APP: variants seen among roughly 807,000 people sequenced by gnomAD.
APP encodes amyloid beta precursor protein, also known as amyloid-beta precursor protein.
A neutral mutation model predicts 101.4 loss-of-function variants in APP; 31 were observed. That is an observed-to-expected ratio of 0.31 (90% CI 0.23 to 0.41). The LOEUF (loss-of-function observed/expected upper bound fraction) is 0.41. APP is among the 10% of genes least tolerant of loss of function. APP has a pLI of 1.00. For missense variants in APP, 839 were observed against 1,003.7 expected, an observed-to-expected ratio of 0.84 and a Z score of 2.22; for synonymous variants, 366 against 364.4, an observed-to-expected ratio of 1.00 and a Z score of -0.05.
chr21:25,888,513 C>A (rs966929963), intron 17 of APP, among the ~76,000 whole-genome samples: 3 of 152,060 alleles, frequency 2.0e-5, no homozygotes, highest in African/African-American at 7.2e-5. Flanking sequence ...AGGACAGTCA[C>A]AAAGGTCTTG....
Position 26,159,231 on chromosome 21 carries a change from C to T in APP, c.57+11333G>A, listed in dbSNP as rs140385452. ...AGTAGCTGGGACTACAGGTGCCTGT[C>T]ACCACGCCCGGTTAATTTGTTGTAT... On this transcript the variant is annotated intron_variant, in intron 1 of 17. Transcript: ENST00000346798. Among the ~76,000 whole-genome samples, 24 of 152,238 alleles carry T rather than the reference C, an allele frequency of 1.6e-4. 1 individual carries two copies. The East Asian group carries it at 4.3e-3, about 27-fold the overall frequency.
intron 2 of APP, among the ~76,000 whole-genome samples, chr21:26,093,632 T>A (rs2061874002): frequency 6.6e-6 from 1 of 152,160 alleles, no homozygotes. Context: ...CAAATTAAAA[T>A]CCATGAAGAC....
At chr21:26,080,797 CT>C (rs1282954642) in intron 3 of APP, among the ~76,000 whole-genome samples, 2 of 151,712 alleles carry the variant, frequency 1.3e-5, no homozygotes, top group African/African-American at 4.8e-5. Context: ...AAAAAAAATC[CT>C]GCTTTCCAAA....
intron 8 of APP, among the ~76,000 whole-genome samples, chr21:25,996,534 C>T (rs2043062822): frequency 6.6e-6 from 1 of 152,102 alleles, no homozygotes; most frequent in African/African-American, 2.4e-5. Context: ...CCTTTCTTTT[C>T]CTTCCAGTTT....
intron 5 of APP, among the ~76,000 whole-genome samples, chr21:26,032,240 T>C (rs781728116): frequency 7.9e-5 from 12 of 152,272 alleles, no homozygotes; most frequent in African/African-American, 2.6e-4. Context: ...CTGTGGTTGG[T>C]TGGCATCTGA....
chr21:25,946,491 C>T lies in APP; in HGVS notation c.1687+8099G>A, dbSNP rs139177966. Among the ~76,000 whole-genome samples the T allele has an allele frequency of 4.7e-3, 722 of 152,136 alleles. 1 individual carries two copies. The highest frequency in any genetic ancestry group is 7.4e-3 in the Non-Finnish European group (502 of 68,000). Reference sequence around the variant, plus strand: ...GACCAGCCTGGGAAACATGGTAAAACCCTGTCTCTACTAAAAATACAAAAA... The same window carrying T: ...GACCAGCCTGGGAAACATGGTAAAATCCTGTCTCTACTAAAAATACAAAAA... On this transcript the variant is annotated intron_variant, in intron 13 of 17. Transcript: ENST00000346798.
chr21:26,072,340 C>T (rs767734962), intron 3 of APP, among the ~76,000 whole-genome samples: 10 of 152,104 alleles, frequency 6.6e-5, no homozygotes, highest in East Asian at 1.9e-4. Context: ...TGTAGGTTTC[C>T]GGATTATTTC....
chr21:26,103,351 G>C (rs2062106559), intron 2 of APP, among the ~76,000 whole-genome samples: 1 of 152,204 alleles, frequency 6.6e-6, no homozygotes, highest in African/African-American at 2.4e-5. Context: ...GCTCATGCCT[G>C]TAATCCCAGC....
chr21:25,957,070 C>T (rs1194500929), intron 11 of APP, among the ~76,000 whole-genome samples: 1 of 152,176 alleles, frequency 6.6e-6, no homozygotes, highest in African/African-American at 2.4e-5. Flanking sequence ...TGCTACTGTA[C>T]TTGAGAAAAC....
chr21:26,143,593 C>T (rs1465293188), intron 1 of APP, among the ~76,000 whole-genome samples: 1 of 152,188 alleles, frequency 6.6e-6, no homozygotes, highest in African/African-American at 2.4e-5. Flanking sequence ...CATTTACTCT[C>T]GCAGACGTTT....
At chr21:26,059,193 C>T (rs1285965498) in intron 3 of APP, among the ~76,000 whole-genome samples, 8 of 151,876 alleles carry the variant, frequency 5.3e-5, no homozygotes, top group Non-Finnish European at 1.5e-5. Context: ...GAGCCATACA[C>T]AGGTTCTTCA....
chr21:25,960,666 A>T (rs1477335241), intron 11 of APP, among the ~76,000 whole-genome samples: 1 of 152,170 alleles, frequency 6.6e-6, no homozygotes, highest in African/African-American at 2.4e-5. Flanking sequence ...TCCTCCAGGG[A>T]TAATGAGACC....
At chr21:26,051,361 A>G (rs1380319306) in intron 4 of APP, among the ~76,000 whole-genome samples, 168 bp from the exon 5 acceptor site, 1 of 148,428 alleles carries the variant, frequency 6.7e-6, no homozygotes, top group Admixed American at 6.8e-5. Context: ...TTTTTTTAGC[A>G]TGGGTTACAC....
At chr21:25,931,406 C>G (rs1470339828) in intron 13 of APP, among the ~76,000 whole-genome samples, 2 of 152,130 alleles carry the variant, frequency 1.3e-5, no homozygotes, top group Non-Finnish European at 2.9e-5. Context: ...TTGTGGGATA[C>G]AGAGGGCAGA....
chr21:25,975,307 ATCCTAT>A, intron 10 of APP, 79 bp from the exon 11 acceptor site: 1 of 1,574,388 alleles, frequency 6.4e-7, no homozygotes, highest in Non-Finnish European at 8.7e-7. Flanking sequence ...TAAAAAAGAC[ATCCTAT>A]TCCATTTTCT....
chr21:25,910,521 A>G (rs774548542), intron 14 of APP, among the ~76,000 whole-genome samples: 3 of 152,210 alleles, frequency 2.0e-5, no homozygotes, highest in Non-Finnish European at 2.9e-5. Flanking sequence ...CTTAAAAAAC[A>G]TGTTATTTGT....
intron 8 of APP, among the ~76,000 whole-genome samples, chr21:25,987,861 A>G (rs2042696427): frequency 6.6e-6 from 1 of 152,236 alleles, no homozygotes; most frequent in Non-Finnish European, 1.5e-5. Context: ...GAAACCAATG[A>G]GAAAAACATG....
At chr21:25,950,276 C>G (rs946324164) in intron 13 of APP, among the ~76,000 whole-genome samples, 3 of 151,968 alleles carry the variant, frequency 2.0e-5, no homozygotes, top group African/African-American at 7.3e-5. Flanking sequence ...TTTCTCCGTT[C>G]TCTATGCAAA....
intron 13 of APP, among the ~76,000 whole-genome samples, chr21:25,924,722 T>C (rs956268990): frequency 6.6e-6 from 1 of 151,326 alleles, no homozygotes; most frequent in Non-Finnish European, 1.5e-5. Context: ...GGCACATGTA[T>C]ACCTATGTAA....
Sources: gnomAD v4.1 joint callset for allele counts (sites outside exome capture counted in the v4.1 genomes callset) on GRCh38, gnomAD v4.1.1 for gene constraint, MANE v1.5 for transcripts, NCBI Gene and HGNC (gene_info 2026-07-23, HGNC 2026-07-21) for gene names.